The following ATP8B2 variants were observed in gnomAD, a reference collection of about 807,000 sequenced individuals.
ATP8B2 encodes ATPase phospholipid transporting 8B2.
A neutral mutation model predicts 133.4 loss-of-function variants in ATP8B2; 70 were observed. The ratio of observed to expected loss-of-function variants is 0.52; its 90% CI spans 0.43 to 0.64. ATP8B2 has a LOEUF of 0.64. Among genes scored for constraint, ATP8B2 ranks in the 30% least tolerant of loss-of-function variants. The pLI is 0.00. For synonymous variants in ATP8B2, 517 were observed against 589.5 expected (o/e 0.88, Z 1.78); for missense variants, 1,101 against 1,535.7 (o/e 0.72, Z 4.73).
rs1686362720 is a variant in ATP8B2 at position 154,341,051 on chromosome 1, G to A, written c.1232G>A (p.Gly411Asp). The A allele has an allele frequency of 1.9e-6, 3 of 1,614,168 alleles. No individual in the cohort carries two copies. The highest frequency in any genetic ancestry group is 2.5e-6 in the Non-Finnish European group (3 of 1,180,016). Residue 411 changes from glycine to aspartate, a missense_variant, in exon 13 of 28, where the codon GGC (glycine) becomes GAC (aspartate). By Grantham distance (94) the Gly-to-Asp change is moderately conservative. Coordinates refer to ENST00000368489, the MANE Select transcript of ATP8B2 (RefSeq NM_001370597.1). ...GTTTTCAACAAGTGCTCCATCAATG[G>A]CCACAGCTATGGTATGGTGGCACCA... is the stretch of plus-strand genomic sequence containing the variant. The part of the protein sequence containing the change: ...IMVFNKCSIN[G>D]HSYGDVFDVL...
rs1041080984 is a variant in ATP8B2 at position 154,326,273 on chromosome 1, G to A, written c.-38+571G>A. Among the ~76,000 whole-genome samples the A allele has an allele frequency of 6.6e-5, 10 of 152,072 alleles. 1 individual carries two copies. Among genetic ancestry groups the A allele is most frequent in the Admixed American group, 6.5e-4 (10 of 15,276 alleles). Reference sequence around the variant, plus strand: ...GTGGCCAGTGAGCTGGAGGTCTCGAGTTCCATTTCCTCCTGTTTCCCTGAC... The same window carrying A: ...GTGGCCAGTGAGCTGGAGGTCTCGAATTCCATTTCCTCCTGTTTCCCTGAC... On this transcript the variant is annotated intron_variant, in intron 1 of 27. Coordinates refer to ENST00000368489, the MANE Select transcript of ATP8B2 (RefSeq NM_001370597.1).
intron 13 of ATP8B2, 68 bp downstream of exon 13, chr1:154,341,130 A>C: frequency 3.3e-6 from 5 of 1,527,342 alleles, no homozygotes; most frequent in Non-Finnish European, 4.5e-6. Context: ...CTGGGGCCCC[A>C]CAGTTTCCTT....
Position 154,346,178 on chromosome 1 carries a change from G to C in ATP8B2, c.2779-53G>C. On this transcript the variant is annotated intron_variant, in intron 24 of 27. Transcript: ENST00000368489. This position sits in a 1 kb window ranked among gnomAD's most constrained non-coding sequence, Gnocchi z 4.5. Reference sequence around the variant, plus strand: ...TCAGAGTCTGCCCTTGGTCATCCAGGGTCAAAACGGCAACCTCTGAGGCCC... The same window carrying C: ...TCAGAGTCTGCCCTTGGTCATCCAGCGTCAAAACGGCAACCTCTGAGGCCC... 1 of 1,588,816 alleles carries C rather than the reference G, an allele frequency of 6.3e-7. No individual in the cohort carries two copies. Among genetic ancestry groups the C allele is most frequent in the East Asian group, 2.2e-5 (1 of 44,662 alleles).
In ATP8B2 at chr1:154,346,419, C is replaced by T; in HGVS notation, c.2967C>T (p.Asp989=). 6.2e-7 allele frequency: 1 copy of T among 1,614,196 alleles called. No homozygotes were observed. Among genetic ancestry groups the T allele is most frequent in the South Asian group, 1.1e-5 (1 of 91,084 alleles). The change falls in exon 25 of 28, where the codon GAC becomes GAT. Residue 989 remains aspartate (D), a synonymous_variant. Transcript: ENST00000368489. The surrounding 1 kb of genome is among the most constrained non-coding windows in gnomAD (Gnocchi z 4.5). ...ATRDDGTQLA[D]YQSFAVTVAT... ...GGGATGATGGCACTCAGCTGGCTGA[C>T]TACCAGTCCTTTGCAGTCACTGTGG...
In ATP8B2 at chr1:154,348,309, A is replaced by T. The variant is rs893019997; in HGVS notation, c.3164-99A>T. ...CTGGAGAAGCGGGAAGCCAGAGGTGACTTAGGCTTTGAGAGTAGGGAAGTG... is the reference window on the plus strand; with the variant it reads ...CTGGAGAAGCGGGAAGCCAGAGGTGTCTTAGGCTTTGAGAGTAGGGAAGTG... On this transcript the variant is annotated intron_variant, in intron 26 of 27. Coordinates refer to ENST00000368489, the MANE Select transcript of ATP8B2 (RefSeq NM_001370597.1). The T allele has an allele frequency of 1.8e-5, 24 of 1,327,498 alleles. No homozygotes were observed. In the East Asian group the frequency reaches 6.0e-4, roughly 33 times the overall value. The allele number at this position is 1,327,498 out of a possible 1,614,324, so 82.2% of individuals were successfully genotyped here.
In ATP8B2 at chr1:154,328,356, A is replaced by T. The variant is rs1026377481; in HGVS notation, c.31+184A>T. ...TTCCGCTTGATCCCAAAGCTGGGTTATCTGCCAGGACAGCGCAGAGCACCA... is the reference window on the plus strand; with the variant it reads ...TTCCGCTTGATCCCAAAGCTGGGTTTTCTGCCAGGACAGCGCAGAGCACCA... On this transcript the variant is annotated intron_variant, in intron 2 of 27. Coordinates refer to ENST00000368489, the MANE Select transcript of ATP8B2 (RefSeq NM_001370597.1). The surrounding 1 kb of genome is among the most constrained non-coding windows in gnomAD (Gnocchi z 4.6). Among the ~76,000 whole-genome samples the T allele has an allele frequency of 1.3e-5, 2 of 152,164 alleles. No homozygotes were observed. The highest frequency in any genetic ancestry group is 4.8e-5 in the African/African-American group (2 of 41,452).
rs1686000583 is a variant in ATP8B2, at chr1:154,331,739, T to A, written c.438+61T>A. The A allele has an allele frequency of 6.5e-7, 1 of 1,538,820 alleles. No homozygotes were observed. The highest frequency in any genetic ancestry group is 9.0e-7 in the Non-Finnish European group (1 of 1,111,538). On this transcript the variant is annotated intron_variant, in intron 7 of 27. Transcript: ENST00000368489. The surrounding 1 kb of genome is among the most constrained non-coding windows in gnomAD (Gnocchi z 4.8). Reference sequence around the variant, plus strand: ...CTTCCTCTTCTTTGTGAGAAAAGGATGAATCTTTCCTGATTTACTGTTGCC... The same window carrying A: ...CTTCCTCTTCTTTGTGAGAAAAGGAAGAATCTTTCCTGATTTACTGTTGCC...
chr1:154,335,363 C>T (rs1686142179), intron 11 of ATP8B2, among the ~76,000 whole-genome samples: 1 of 152,134 alleles, frequency 6.6e-6, no homozygotes, highest in Non-Finnish European at 1.5e-5. Flanking sequence ...ACCAGTCTCT[C>T]CAGAGACTCC....
chr1:154,334,537 A>G lies in ATP8B2; in HGVS notation c.783A>G (p.Arg261=). ...PDTKLMQNSG[R]TKFKRTSIDR... The stretch of plus-strand genomic sequence containing the variant: ...CTAAGCTGATGCAAAACAGCGGCAG[A>G]ACAAAGTTCAAAAGAACGAGTATCG... Residue 261 remains arginine (R), a synonymous_variant, in exon 11 of 28, where the codon AGA becomes AGG. Transcript: ENST00000368489. The surrounding 1 kb of genome is among the most constrained non-coding windows in gnomAD (Gnocchi z 4.6). The G allele has an allele frequency of 1.2e-6, 2 of 1,614,138 alleles. No homozygotes were observed. The highest frequency in any genetic ancestry group is 1.7e-6 in the Non-Finnish European group (2 of 1,180,038).
At position 154,343,123 on chromosome 1, in the gene ATP8B2, C is replaced by T; in HGVS notation, c.1464C>T (p.Tyr488=). 1 of 1,613,836 alleles carries T rather than the reference C, an allele frequency of 6.2e-7. No homozygotes were observed. Residue 488 remains tyrosine, a synonymous_variant, in exon 16 of 28, where the codon TAC becomes TAT. Transcript: ENST00000368489. The surrounding 1 kb of genome is among the most constrained non-coding windows in gnomAD (Gnocchi z 5.8). ...TTCCTCCCCACCCAGGAGAGCTGTACTACAAAGCTCAGTCCCCAGATGAGG... is the reference window on the plus strand; with the variant it reads ...TTCCTCCCCACCCAGGAGAGCTGTATTACAAAGCTCAGTCCCCAGATGAGG... ...MSEEKNEGEL[Y]YKAQSPDEGA...
rs963554134 is a variant in ATP8B2 at position 154,330,272 on chromosome 1, C to G, written c.32-124C>G. On this transcript the variant is annotated intron_variant, in intron 2 of 27. Coordinates refer to ENST00000368489, the MANE Select transcript of ATP8B2 (RefSeq NM_001370597.1). ...GGACTGGAGGGAAGAATTTGATGAC[C>G]CCCTCAGTTGTGGAGCTAACTCCTT... 3.0e-5 allele frequency: 22 copies of G among 744,240 alleles called. No homozygotes were observed. The African/African-American group carries it at 3.2e-4, about 11-fold the overall frequency. The allele number at this position is 744,240 out of a possible 1,614,324, so 46.1% of individuals were successfully genotyped here. A position where few individuals can be genotyped will look rare whatever the true frequency, so the allele number is the denominator to read the frequency against.
Position 154,349,112 on chromosome 1 carries a change from G to A in ATP8B2, c.3567G>A (p.Lys1189=). 1 of 1,613,416 alleles carries A rather than the reference G, an allele frequency of 6.2e-7. No homozygotes were observed. The highest frequency in any genetic ancestry group is 1.1e-5 in the South Asian group (1 of 91,040). The change falls in exon 28 of 28, where the codon AAG becomes AAA. Residue 1189 remains lysine, a synonymous_variant. Transcript: ENST00000368489. ...SPSGGADKPL[K]G ...GTGGCGGTGCCGACAAGCCCCTCAA[G>A]GGCTGAAGGCCGAGGATGGATGCCC...
At chr1:154,335,990 C>T (rs767521054) in intron 11 of ATP8B2, among the ~76,000 whole-genome samples, 1 of 143,088 alleles carries the variant, frequency 7.0e-6, no homozygotes. Flanking sequence ...AGCAGTGAGC[C>T]GAGGTCGCGC....
Position 154,331,114 on chromosome 1 carries a change from A to G in ATP8B2, c.271A>G (p.Ile91Val). 1.2e-6 allele frequency: 2 copies of G among 1,614,030 alleles called. No individual in the cohort carries two copies. Among genetic ancestry groups the G allele is most frequent in the East Asian group, 2.2e-5 (1 of 44,882 alleles). Residue 91 changes from isoleucine to valine, a missense_variant, in exon 5 of 28, where the codon ATC becomes GTC. Coordinates refer to ENST00000368489, the MANE Select transcript of ATP8B2 (RefSeq NM_001370597.1). This position sits in a 1 kb window ranked among gnomAD's most constrained non-coding sequence, Gnocchi z 4.8. The stretch of plus-strand genomic sequence containing the variant: ...TGTGCCTTTGGTTCTTGTCCTCACC[A>G]TCACAGCTGTTAAAGATGCCACTGA... Reference protein sequence around the residue: ...TIVPLVLVLTITAVKDATDDY... With the variant: ...TIVPLVLVLTVTAVKDATDDY...
intron 11 of ATP8B2, among the ~76,000 whole-genome samples, chr1:154,335,551 G>T (rs886941515): frequency 6.6e-6 from 1 of 152,026 alleles, no homozygotes; most frequent in African/African-American, 2.4e-5. Flanking sequence ...AATTAGCCAG[G>T]TTTGGTGGCA....
rs1686451907 is a variant in ATP8B2, at chr1:154,343,355, A to G, written c.1642+54A>G. 6.2e-7 allele frequency: 1 copy of G among 1,607,510 alleles called. No homozygotes were observed. Among genetic ancestry groups the G allele is most frequent in the African/African-American group, 1.3e-5 (1 of 74,676 alleles). On this transcript the variant is annotated intron_variant, in intron 16 of 27. Transcript: ENST00000368489. The surrounding 1 kb of genome is among the most constrained non-coding windows in gnomAD (Gnocchi z 5.8). ...TTTGGGGACAGCATTCAGGCCTGGA[A>G]TGGGTGAAGTGTGCCGGGTGACTCT...
chr1:154,332,850 G>A (rs1461326204), intron 9 of ATP8B2, among the ~76,000 whole-genome samples, 153 bp downstream of exon 9: 1 of 152,166 alleles, frequency 6.6e-6, no homozygotes, highest in Non-Finnish European at 1.5e-5. Context: ...AATGTCATGT[G>A]GCTCCCTCTT....
rs894755288 is a variant in ATP8B2, at chr1:154,331,767, T to C, written c.438+89T>C. The C allele has an allele frequency of 6.9e-7, 1 of 1,444,844 alleles. No homozygotes were observed. Among genetic ancestry groups the C allele is most frequent in the Non-Finnish European group, 9.7e-7 (1 of 1,026,916 alleles). The allele number at this position is 1,444,844 out of a possible 1,614,324, so 89.5% of individuals were successfully genotyped here. On this transcript the variant is annotated intron_variant, in intron 7 of 27. Transcript: ENST00000368489. This position sits in a 1 kb window ranked among gnomAD's most constrained non-coding sequence, Gnocchi z 4.8. ...ATCTTTCCTGATTTACTGTTGCCTCTTAAACACCCGTGGCAGGAATCTTTC... is the reference window on the plus strand; with the variant it reads ...ATCTTTCCTGATTTACTGTTGCCTCCTAAACACCCGTGGCAGGAATCTTTC...
In ATP8B2 at chr1:154,340,756, T is replaced by C. The variant is rs1194588; in HGVS notation, c.1035-98T>C. On this transcript the variant is annotated intron_variant, in intron 12 of 27. Coordinates refer to ENST00000368489, the MANE Select transcript of ATP8B2 (RefSeq NM_001370597.1). The surrounding 1 kb of genome is among the most constrained non-coding windows in gnomAD (Gnocchi z 4.0). ...TGTGCCCAGGTGTCTTCTCCGTTCT[T>C]GTCTCTCCCCAGGCGGAGGGCCTGC... The C allele has an allele frequency of 0.7, 806,535 of 1,152,450 alleles. 285,867 individuals carry two copies. The highest frequency in any genetic ancestry group is 0.76 in the East Asian group (32,251 of 42,384). 71.4% of individuals were successfully genotyped at this position (1,152,450 alleles called of 1,614,324 possible).
Sources: gnomAD v4.1 joint callset for allele counts (sites outside exome capture counted in the v4.1 genomes callset) on GRCh38, gnomAD v4.1.1 for gene constraint, Gnocchi (gnomAD v3.1) non-coding constraint, MANE v1.5 for transcripts, NCBI Gene and HGNC (gene_info 2026-07-23, HGNC 2026-07-21) for gene names.